CDYL2: variants seen among roughly 807,000 people sequenced by gnomAD.
CDYL2 encodes chromodomain Y like 2.
In CDYL2, 23 loss-of-function variants were observed where a neutral mutation model predicts 49.4. The observed-to-expected ratio is 0.47, with a 90% CI of 0.34 to 0.66. The LOEUF (loss-of-function observed/expected upper bound fraction) is 0.66, where lower values mean the gene tolerates loss of function less well. CDYL2 is among the 30% of genes least tolerant of loss of function. The pLI, the probability that CDYL2 is intolerant of heterozygous loss-of-function variation, is 0.01. For synonymous variants in CDYL2, 360 were observed against 268.8 expected, an observed-to-expected ratio of 1.34 and a Z score of -3.32; for missense variants, 678 against 656.4, an observed-to-expected ratio of 1.03 and a Z score of -0.36.
chr16:80,605,448 TATG>T (rs1162816726), intron 6 of CDYL2, among the ~76,000 whole-genome samples: 4 of 148,856 alleles, frequency 2.7e-5, no homozygotes, highest in East Asian at 1.9e-4. Flanking sequence ...ACAGTGTTAC[TATG>T]ATGATTACTA....
chr16:80,635,692 T>C (rs1907788633), intron 2 of CDYL2, among the ~76,000 whole-genome samples: 1 of 152,192 alleles, frequency 6.6e-6, no homozygotes, highest in South Asian at 2.1e-4. Context: ...CTGAATTTCT[T>C]TACAGAATTA....
chr16:80,637,176 T>C (rs1356220864), intron 2 of CDYL2, among the ~76,000 whole-genome samples: 2 of 151,590 alleles, frequency 1.3e-5, no homozygotes, highest in Non-Finnish European at 2.9e-5. Flanking sequence ...ACGTTCTGTA[T>C]ATGTATACAT....
chr16:80,656,003 C>T (rs531411503), intron 2 of CDYL2, among the ~76,000 whole-genome samples: 2 of 152,332 alleles, frequency 1.3e-5, no homozygotes, highest in Admixed American at 6.5e-5. Context: ...CCCAGCCCTA[C>T]ATTTGCTAAT....
chr16:80,744,119 G>A (rs574683616), intron 1 of CDYL2, among the ~76,000 whole-genome samples: 6 of 152,290 alleles, frequency 3.9e-5, no homozygotes, highest in Non-Finnish European at 8.8e-5. Context: ...GAAGCACAGA[G>A]AAGTTAGAGC....
At chr16:80,646,988 A>C (rs927083160) in intron 2 of CDYL2, among the ~76,000 whole-genome samples, 1 of 152,180 alleles carries the variant, frequency 6.6e-6, no homozygotes, top group African/African-American at 2.4e-5. Context: ...ATACTTCATC[A>C]CAAAAACTAT....
intron 1 of CDYL2, among the ~76,000 whole-genome samples, chr16:80,797,323 G>T (rs1477125718): frequency 6.6e-6 from 1 of 152,044 alleles, no homozygotes; most frequent in Non-Finnish European, 1.5e-5. Flanking sequence ...TCCACCTAAT[G>T]GACTAGAATG....
chr16:80,722,934 C>T (rs1905047076), intron 1 of CDYL2, among the ~76,000 whole-genome samples: 2 of 152,162 alleles, frequency 1.3e-5, no homozygotes, highest in Admixed American at 6.5e-5. Flanking sequence ...AGAGAAGACT[C>T]GGGAGTTGGC....
intron 1 of CDYL2, among the ~76,000 whole-genome samples, chr16:80,697,069 T>C (rs1904279365): frequency 6.6e-6 from 1 of 151,928 alleles, no homozygotes; most frequent in Non-Finnish European, 1.5e-5. Flanking sequence ...TCCAAACTCA[T>C]TCTATGAGGC....
rs527748646 is a variant in CDYL2 at position 80,738,458 on chromosome 16, C to G, written c.25-53329G>C. Among the ~76,000 whole-genome samples the G allele has an allele frequency of 1.5e-4, 23 of 152,064 alleles. No homozygotes were observed. In the South Asian group the frequency reaches 4.8e-3, roughly 32 times the overall value. ...AAGAAATGAGTACTAATGCTACATG[C>G]TACAACTAGGAGAATTAGAAAATAT... is the stretch of plus-strand genomic sequence containing the variant. On this transcript the variant is annotated intron_variant, in intron 1 of 6. Coordinates refer to ENST00000570137, the MANE Select transcript of CDYL2 (RefSeq NM_152342.4).
At chr16:80,763,448 AC>A (rs1290470577) in intron 1 of CDYL2, among the ~76,000 whole-genome samples, 3 of 151,670 alleles carry the variant, frequency 2.0e-5, no homozygotes. Flanking sequence ...TATCAAAAAG[AC>A]AAAAACAAAA....
chr16:80,733,604 TGAA>T (rs1261388809), intron 1 of CDYL2, among the ~76,000 whole-genome samples: 2 of 152,124 alleles, frequency 1.3e-5, no homozygotes, highest in African/African-American at 4.8e-5. Flanking sequence ...CAAGAGGAAA[TGAA>T]GTATCTTGGA....
chr16:80,781,228 C>G (rs541582929), intron 1 of CDYL2, among the ~76,000 whole-genome samples: 1 of 152,144 alleles, frequency 6.6e-6, no homozygotes, highest in Non-Finnish European at 1.5e-5. Context: ...GGGAACTGTT[C>G]GTATGAAAAG....
At chr16:80,798,630 C>T (rs1907836548) in intron 1 of CDYL2, among the ~76,000 whole-genome samples, 1 of 152,112 alleles carries the variant, frequency 6.6e-6, no homozygotes, top group African/African-American at 2.4e-5. Flanking sequence ...TTTATGTTAT[C>T]AGTAAGACTT....
intron 1 of CDYL2, among the ~76,000 whole-genome samples, chr16:80,751,949 C>A (rs1906151902): frequency 1.3e-5 from 2 of 152,186 alleles, no homozygotes; most frequent in East Asian, 1.9e-4. Context: ...AAGGAAACAA[C>A]CACCCATGGC....
At chr16:80,759,491 T>C (rs1380105229) in intron 1 of CDYL2, among the ~76,000 whole-genome samples, 2 of 152,152 alleles carry the variant, frequency 1.3e-5, no homozygotes, top group Admixed American at 6.5e-5. Context: ...TCATGACCAA[T>C]ATGCCAGTTA....
Position 80,625,318 on chromosome 16 carries a change from C to T in CDYL2, c.835-4383G>A, listed in dbSNP as rs561205078. Among the ~76,000 whole-genome samples the T allele has an allele frequency of 1.7e-4, 26 of 152,246 alleles. No individual in the cohort carries two copies. In the East Asian group the frequency reaches 4.6e-3, roughly 27 times the overall value. ...CCTCCATCATCAAAGGCAATAATGC[C>T]GAGCTGGGTCTTCCTCACCTTCTCA... On this transcript the variant is annotated intron_variant, in intron 3 of 6. Coordinates refer to ENST00000570137, the MANE Select transcript of CDYL2 (RefSeq NM_152342.4).
intron 2 of CDYL2, among the ~76,000 whole-genome samples, chr16:80,675,563 G>C (rs546988074): frequency 1.3e-5 from 2 of 152,300 alleles, no homozygotes; most frequent in East Asian, 3.9e-4. Flanking sequence ...TGAGGAGTCA[G>C]GGTGGAGGAA....
intron 2 of CDYL2, among the ~76,000 whole-genome samples, chr16:80,641,278 C>G (rs942413746): frequency 6.6e-6 from 1 of 152,060 alleles, no homozygotes; most frequent in Non-Finnish European, 1.5e-5. Context: ...TCAGTGGAAA[C>G]CTTACAGGCC....
In CDYL2 at chr16:80,624,327, GA is replaced by G. The variant is rs376139215; in HGVS notation, c.835-3393del. ...AGCAAATAATTTATTTTTGCTGTAGGAAAACTCTCCCATGAGAAGCTAAAAC... is the reference window on the plus strand; with the variant it reads ...AGCAAATAATTTATTTTTGCTGTAGGAAACTCTCCCATGAGAAGCTAAAAC... On this transcript the variant is annotated intron_variant, in intron 3 of 6. Coordinates refer to ENST00000570137, the MANE Select transcript of CDYL2 (RefSeq NM_152342.4). Among the ~76,000 whole-genome samples the G allele has an allele frequency of 1.0e-3, 154 of 152,238 alleles. 2 individuals carry two copies. The highest frequency in any genetic ancestry group is 3.3e-3 in the African/African-American group (137 of 41,524).
Sources: gnomAD v4.1 joint callset for allele counts (sites outside exome capture counted in the v4.1 genomes callset) on GRCh38, gnomAD v4.1.1 for gene constraint, MANE v1.5 for transcripts, NCBI Gene and HGNC (gene_info 2026-07-23, HGNC 2026-07-21) for gene names.